Variants in SAMD5 observed in about 807,000 individuals in gnomAD.
SAMD5 encodes the protein sterile alpha motif domain-containing protein 5.
Under a neutral mutation model 11.3 loss-of-function variants are expected in SAMD5, and 13 were observed. The observed-to-expected ratio is 1.15, with a 90% CI of 0.75 to 1.83. The LOEUF (loss-of-function observed/expected upper bound fraction) is 1.83, where lower values mean the gene tolerates loss of function less well. Ranked by LOEUF, SAMD5 falls within the 40% of genes most tolerant of loss-of-function variation. The pLI is 0.00. For missense variants in SAMD5, 255 were observed against 239.1 expected, an observed-to-expected ratio of 1.07 and a Z score of -0.44; for synonymous variants, 129 against 111.3, an observed-to-expected ratio of 1.16 and a Z score of -1.00.
chr6:147,806,321 C>T, the SAMD5 span, among the ~76,000 whole-genome samples: 1 of 70,696 alleles, frequency 1.4e-5, no homozygotes, highest in Non-Finnish European at 2.8e-5. Context: ...CGCGCGCGCA[C>T]ACACACACAC....
At chr6:147,602,341 T>C (rs1668478489) in intron 1 of SAMD5, among the ~76,000 whole-genome samples, 2 of 152,224 alleles carry the variant, frequency 1.3e-5, no homozygotes, top group African/African-American at 4.8e-5. Context: ...TAATGTATTT[T>C]TTTCCAAATT....
the SAMD5 span, among the ~76,000 whole-genome samples, chr6:147,906,206 T>C: frequency 6.6e-6 from 1 of 152,222 alleles, no homozygotes; most frequent in Non-Finnish European, 1.5e-5. Context: ...CTGATACTTT[T>C]TTCTCTATTT....
the SAMD5 span, among the ~76,000 whole-genome samples, chr6:147,859,863 A>G: frequency 9.9e-5 from 15 of 152,182 alleles, no homozygotes; most frequent in Non-Finnish European, 1.8e-4. Context: ...AGCATAGGTC[A>G]GATAATAACT....
chr6:147,627,333 T>G (rs117050277), intron 1 of SAMD5, among the ~76,000 whole-genome samples: 1 of 152,174 alleles, frequency 6.6e-6, no homozygotes, highest in African/African-American at 2.4e-5. Flanking sequence ...CGGGGTGGTG[T>G]GGCACCTGAG....
At chr6:147,929,049 C>A in the SAMD5 span, among the ~76,000 whole-genome samples, 2 of 151,528 alleles carry the variant, frequency 1.3e-5, no homozygotes, top group Admixed American at 6.6e-5. Context: ...GGTTCTTTTG[C>A]ATTTGCTGAG....
the SAMD5 span, chr6:147,953,293 G>A: frequency 2.1e-4 from 31 of 146,784 alleles, no homozygotes; most frequent in Admixed American, 1.0e-3. Flanking sequence ...TCTCATTTTG[G>A]TTTTTTTTTT....
chr6:147,712,913 G>T (rs531528745), intron 1 of SAMD5, among the ~76,000 whole-genome samples: 1 of 152,072 alleles, frequency 6.6e-6, no homozygotes, highest in East Asian at 1.9e-4. Context: ...GCAGTTTATT[G>T]GTTCCTATTA....
At chr6:147,663,481 T>C (rs996503460) in intron 1 of SAMD5, among the ~76,000 whole-genome samples, 1 of 151,778 alleles carries the variant, frequency 6.6e-6, no homozygotes, top group East Asian at 1.9e-4. Context: ...TAAAAGTTAA[T>C]CAAAAAAGAA....
chr6:147,675,679 A>G (rs1790852770), intron 1 of SAMD5, among the ~76,000 whole-genome samples: 1 of 152,186 alleles, frequency 6.6e-6, no homozygotes, highest in Non-Finnish European at 1.5e-5. Context: ...GCTGTATTTG[A>G]TACAGTATTG....
the SAMD5 span, among the ~76,000 whole-genome samples, chr6:147,777,324 A>G: frequency 1.3e-5 from 2 of 152,136 alleles, no homozygotes; most frequent in Non-Finnish European, 2.9e-5. Context: ...TTAATAATAT[A>G]AGGGTTCCTG....
the SAMD5 span, among the ~76,000 whole-genome samples, chr6:147,892,834 T>A: frequency 9.2e-5 from 14 of 152,088 alleles, no homozygotes; most frequent in Non-Finnish European, 2.1e-4. Flanking sequence ...GTAATACTCA[T>A]CTCTTCATTT....
the SAMD5 span, among the ~76,000 whole-genome samples, chr6:147,883,431 CAGATGAGAAACTCAG>C: frequency 3.9e-5 from 6 of 152,210 alleles, no homozygotes; most frequent in African/African-American, 1.4e-4. Context: ...TGGAACAAAG[CAGATGAGAAACTCAG>C]AGATGTGATT....
chr6:147,833,487 A>G, the SAMD5 span, among the ~76,000 whole-genome samples: 1 of 152,220 alleles, frequency 6.6e-6, no homozygotes, highest in Non-Finnish European at 1.5e-5. Context: ...ATGGAAAGGT[A>G]TCAAAAACCA....
chr6:147,747,434 C>G, the SAMD5 span, among the ~76,000 whole-genome samples: 1 of 152,198 alleles, frequency 6.6e-6, no homozygotes, highest in African/African-American at 2.4e-5. Flanking sequence ...GTTTTGACTT[C>G]ACTCAATTGA....
At chr6:147,818,353 A>G in the SAMD5 span, among the ~76,000 whole-genome samples, 1 of 152,222 alleles carries the variant, frequency 6.6e-6, no homozygotes, top group African/African-American at 2.4e-5. Context: ...AAAGATGCAT[A>G]TGTTTACTGA....
At chr6:147,928,055 G>A in the SAMD5 span, among the ~76,000 whole-genome samples, 1 of 152,130 alleles carries the variant, frequency 6.6e-6, no homozygotes, top group Non-Finnish European at 1.5e-5. Context: ...ATGTGCTGCT[G>A]GATTCAATTT....
At chr6:147,790,899 C>T in the SAMD5 span, among the ~76,000 whole-genome samples, 4 of 150,772 alleles carry the variant, frequency 2.7e-5, no homozygotes, top group African/African-American at 4.9e-5. Flanking sequence ...GATTGAACAT[C>T]AGAAATTTGA....
chr6:147,646,790 A>G (rs557203641), intron 1 of SAMD5, among the ~76,000 whole-genome samples: 4 of 152,106 alleles, frequency 2.6e-5, no homozygotes, highest in Non-Finnish European at 5.9e-5. Context: ...TTTGTGTTAT[A>G]TGTATTACAC....
the SAMD5 span, among the ~76,000 whole-genome samples, chr6:147,900,327 A>G: frequency 0.31 from 47,746 of 152,098 alleles, 9,055 homozygotes; most frequent in African/African-American, 0.53. Flanking sequence ...ATAAAGGTTT[A>G]TCAGCCATGA....
Sources: gnomAD v4.1 joint callset for allele counts (sites outside exome capture counted in the v4.1 genomes callset) on GRCh38, gnomAD v4.1.1 for gene constraint, MANE v1.5 for transcripts, NCBI Gene and HGNC (gene_info 2026-07-23, HGNC 2026-07-21) for gene names.